The following WASHC2C variants were observed in gnomAD, a reference collection of about 807,000 sequenced individuals.
WASHC2C encodes Vaccinia Penetration Factor.
Under a neutral mutation model 142.2 loss-of-function variants are expected in WASHC2C, and 73 were observed. The ratio of observed to expected loss-of-function variants is 0.51; its 90% CI spans 0.43 to 0.62. The LOEUF is 0.62. Ranked by LOEUF, WASHC2C falls within the 20% of genes least tolerant of loss-of-function variation. WASHC2C has a pLI of 0.00. For synonymous variants in WASHC2C, 337 were observed against 565.5 expected (o/e 0.60, Z 5.73); for missense variants, 969 against 1,531.7 (o/e 0.63, Z 6.13).
intron 23 of WASHC2C, among the ~76,000 whole-genome samples, chr10:45,784,299 T>TATATACACACAC (rs2057848940): frequency 1.4e-5 from 1 of 73,992 alleles, no homozygotes; most frequent in Non-Finnish European, 2.5e-5. Flanking sequence ...TACACATATA[T>TATATACACACAC]ATATATATAT....
intron 3 of WASHC2C, among the ~76,000 whole-genome samples, chr10:45,730,334 C>T (rs2050404083): frequency 6.9e-6 from 1 of 145,586 alleles, no homozygotes; most frequent in South Asian, 2.2e-4. Context: ...GCAATAAGAG[C>T]GAAACTCCGT....
In WASHC2C at chr10:45,757,935, C is replaced by T. The variant is rs1554878167; in HGVS notation, c.1548+796C>T. 3.9e-5 allele frequency among the ~76,000 whole-genome samples: 6 copies of T among 152,334 alleles called. No individual in the cohort carries two copies. The South Asian group carries it at 1.2e-3, about 32-fold the overall frequency. On this transcript the variant is annotated intron_variant, in intron 16 of 30. Transcript: ENST00000623400. ...TGCAGCCCAGGGTTGGGGACCCCTG[C>T]TTTATAGTATTTTTTTATGTTTTGA...
chr10:45,785,666 T>C (rs782499690), intron 26 of WASHC2C, 35 bp downstream of exon 26: 42 of 1,612,292 alleles, frequency 2.6e-5, no homozygotes. Context: ...TCAGCTCTTG[T>C]TTGCATCCCA....
chr10:45,728,963 T>A lies in WASHC2C; in HGVS notation c.228T>A (p.Asp76Glu), dbSNP rs782409380. The change falls in exon 3 of 31, where the codon GAT becomes GAA. Residue 76 changes from aspartate to glutamate, a missense_variant. Physicochemically the swap from Asp to Glu is conservative, Grantham distance 45. Coordinates refer to ENST00000623400, the MANE Select transcript of WASHC2C (RefSeq NM_001330074.2). ...DGLIRETKAT[D>E]CRLHNVFNDF... Reference sequence around the variant, plus strand: ...TAATCCGGGAAACCAAAGCCACAGATTGTCGCCTGCATAATGTCTTCAATG... The same window carrying A: ...TAATCCGGGAAACCAAAGCCACAGAATGTCGCCTGCATAATGTCTTCAATG... 1 of 1,613,980 alleles carries A rather than the reference T, an allele frequency of 6.2e-7. No individual in the cohort carries two copies. Among genetic ancestry groups the A allele is most frequent in the South Asian group, 1.1e-5 (1 of 91,076 alleles).
At chr10:45,753,825 G>GTTTTTTT (rs531628513) in intron 13 of WASHC2C, among the ~76,000 whole-genome samples, 2 of 137,494 alleles carry the variant, frequency 1.5e-5, no homozygotes, top group Non-Finnish European at 3.2e-5. Context: ...ATATAAATAT[G>GTTTTTTT]TTTTTTTTTT....
At chr10:45,751,028 T>C (rs185852946) in intron 10 of WASHC2C, among the ~76,000 whole-genome samples, 190 bp downstream of exon 10, 52 of 152,302 alleles carry the variant, frequency 3.4e-4, no homozygotes, top group African/African-American at 1.1e-3. Flanking sequence ...AACTGAACAC[T>C]GTGGACCCAC....
chr10:45,727,604 C>A, intron 2 of WASHC2C, 65 bp downstream of exon 2: 3 of 1,492,840 alleles, frequency 2.0e-6, no homozygotes, highest in South Asian at 2.6e-5. Flanking sequence ...CGCAGGAGGG[C>A]CGGACCGCGA....
At chr10:45,782,554 G>A (rs1352054537) in intron 23 of WASHC2C, among the ~76,000 whole-genome samples, 2 of 150,198 alleles carry the variant, frequency 1.3e-5, no homozygotes, top group African/African-American at 4.9e-5. Context: ...ACAGTTTGCT[G>A]TTCTTCAAAT....
intron 17 of WASHC2C, among the ~76,000 whole-genome samples, chr10:45,760,141 G>T: frequency 7.8e-6 from 1 of 128,674 alleles, no homozygotes. Flanking sequence ...CTGGGACCCT[G>T]GTTCATAGGT....
intron 20 of WASHC2C, among the ~76,000 whole-genome samples, chr10:45,771,329 C>A (rs571739570): frequency 6.9e-6 from 1 of 144,018 alleles, no homozygotes; most frequent in Admixed American, 7.1e-5. Context: ...CTCACCACTG[C>A]ACTCCAGCCT....
chr10:45,767,517 G>A (rs1471538463), intron 19 of WASHC2C, among the ~76,000 whole-genome samples: 1 of 152,300 alleles, frequency 6.6e-6, no homozygotes, highest in Non-Finnish European at 1.5e-5. Flanking sequence ...TCCCCCTGTA[G>A]CAACAGCCAG....
intron 5 of WASHC2C, among the ~76,000 whole-genome samples, chr10:45,741,998 G>C (rs1211162469): frequency 6.6e-6 from 1 of 151,170 alleles, no homozygotes; most frequent in African/African-American, 2.4e-5. Flanking sequence ...TTTCACCATG[G>C]TGACCAGGCT....
chr10:45,785,774 C>T, intron 26 of WASHC2C, 143 bp downstream of exon 26: 5 of 1,470,422 alleles, frequency 3.4e-6, no homozygotes, highest in Non-Finnish European at 4.7e-6. Context: ...CTTCACTGCA[C>T]TTCCCCCGAG....
intron 23 of WASHC2C, among the ~76,000 whole-genome samples, chr10:45,783,882 T>G (rs1238704368): frequency 1.3e-5 from 2 of 152,084 alleles, no homozygotes; most frequent in African/African-American, 4.8e-5. Context: ...ATGTTAGATA[T>G]CTAGTAAACA....
chr10:45,740,036 TATTGGAGACCC>T (rs1160424283), intron 4 of WASHC2C, 26 bp from the exon 5 acceptor site: 1 of 511,090 alleles, frequency 2.0e-6, no homozygotes, highest in Admixed American at 3.7e-5. Flanking sequence ...AGTATCAGTA[TATTGGAGACCC>T]ATACTGCATG....
chr10:45,762,842 C>T (rs1467788758), intron 17 of WASHC2C, among the ~76,000 whole-genome samples: 1 of 152,100 alleles, frequency 6.6e-6, no homozygotes, highest in African/African-American at 2.4e-5. Flanking sequence ...GGAGGCGGAG[C>T]TTTCAGTGAG....
intron 8 of WASHC2C, among the ~76,000 whole-genome samples, chr10:45,747,177 G>A (rs1264515530): frequency 6.6e-6 from 1 of 152,102 alleles, no homozygotes; most frequent in African/African-American, 2.4e-5. Context: ...TTTTGCTCTT[G>A]TTGTCCAGGC....
chr10:45,787,374 T>A, intron 28 of WASHC2C, 127 bp downstream of exon 28: 1 of 1,517,966 alleles, frequency 6.6e-7, no homozygotes, highest in Non-Finnish European at 9.0e-7. Context: ...GCCTCATCCT[T>A]CCTTCAGCCG....
At chr10:45,727,202 C>G (rs1189025850), upstream of WASHC2C, 9 of 1,476,760 alleles carry the variant, frequency 6.1e-6, no homozygotes, top group South Asian at 1.4e-5. Flanking sequence ...CACGTGACAT[C>G]AGGTCACGTG....
Sources: gnomAD v4.1 joint callset for allele counts (sites outside exome capture counted in the v4.1 genomes callset) on GRCh38, gnomAD v4.1.1 for gene constraint, MANE v1.5 for transcripts, NCBI Gene and HGNC (gene_info 2026-07-23, HGNC 2026-07-21) for gene names.